Variants in CADPS observed in about 807,000 individuals in gnomAD.
The protein encoded by CADPS is calcium-dependent secretion activator 1.
A neutral mutation model predicts 167.3 loss-of-function variants in CADPS; 57 were observed. The ratio of observed to expected loss-of-function variants is 0.34; its 90% CI spans 0.28 to 0.42. CADPS has a LOEUF of 0.42. Ranked by LOEUF, CADPS falls within the 20% of genes least tolerant of loss-of-function variation. The pLI, the probability that CADPS is intolerant of heterozygous loss-of-function variation, is 1.00. For missense variants in CADPS, 1,414 were observed against 1,738.1 expected (o/e 0.81, Z 3.32); for synonymous variants, 676 against 635.3 (o/e 1.06, Z -0.96).
rs187362320 is a variant in CADPS at position 62,417,351 on chromosome 3, C to G, written c.3778-14166G>C. On this transcript the variant is annotated intron_variant, in intron 28 of 29. Coordinates refer to ENST00000383710, the MANE Select transcript of CADPS (RefSeq NM_003716.4). ...CCAGGGTGGAGTGCAGTGGTGCAAT[C>G]TCGGCTCACTGCAGCCTCTGCCTCC... Among the ~76,000 whole-genome samples, 11 of 120,722 alleles carry G rather than the reference C, an allele frequency of 9.1e-5. No homozygotes were observed. The East Asian group carries it at 2.5e-3, about 28-fold the overall frequency. 79.2% of individuals were successfully genotyped at this position (120,722 alleles called of 152,430 possible).
chr3:62,698,697 C>A (rs13078186), intron 3 of CADPS, among the ~76,000 whole-genome samples: 2 of 148,020 alleles, frequency 1.4e-5, no homozygotes, highest in African/African-American at 5.0e-5. Context: ...ACCTTCTTCT[C>A]CTTCTTCCTC....
At chr3:62,849,071 G>A (rs1302447532) in intron 1 of CADPS, among the ~76,000 whole-genome samples, 1 of 150,394 alleles carries the variant, frequency 6.6e-6, no homozygotes, top group Non-Finnish European at 1.5e-5. Context: ...TCATGATTTG[G>A]CTGTTTGTCT....
chr3:62,854,530 A>T (rs1183905423), intron 1 of CADPS, among the ~76,000 whole-genome samples: 2 of 152,244 alleles, frequency 1.3e-5, no homozygotes, highest in Non-Finnish European at 2.9e-5. Flanking sequence ...TCCATATTAC[A>T]ATGAGGAAAG....
intron 2 of CADPS, among the ~76,000 whole-genome samples, chr3:62,763,314 C>T (rs1006648723): frequency 1.3e-5 from 2 of 152,174 alleles, no homozygotes; most frequent in African/African-American, 4.8e-5. Context: ...TGCCCTGGGG[C>T]TGTCAAGGTC....
intron 1 of CADPS, among the ~76,000 whole-genome samples, chr3:62,775,848 T>C (rs540004039): frequency 6.6e-6 from 1 of 152,300 alleles, no homozygotes; most frequent in South Asian, 2.1e-4. Context: ...CAACATTTAA[T>C]AAAATTAACA....
rs1227663665 is a variant in CADPS, at chr3:62,491,464, T to C, written c.2901A>G (p.Gly967=). ...FLRTDYNLCN[G]KFHKHLQDLF... ...GGTCTTGCAGGTGTTTGTGAAATTT[T>C]CCATTGCACAAATTATCTAGAACAG... Residue 967 remains glycine (G), a synonymous_variant, in exon 21 of 30, where the codon GGA becomes GGG. Transcript: ENST00000383710. 4 of 1,613,966 alleles carry C rather than the reference T, an allele frequency of 2.5e-6. No individual in the cohort carries two copies. In the East Asian group the frequency reaches 8.9e-5, roughly 36 times the overall value.
At chr3:62,764,824 A>G (rs2086437022) in intron 2 of CADPS, among the ~76,000 whole-genome samples, 1 of 152,242 alleles carries the variant, frequency 6.6e-6, no homozygotes, top group Non-Finnish European at 1.5e-5. Flanking sequence ...AATAAAGGAA[A>G]CAAGGAAGGA....
intron 3 of CADPS, among the ~76,000 whole-genome samples, chr3:62,663,295 C>A (rs1204820950): frequency 1.3e-5 from 2 of 152,120 alleles, no homozygotes; most frequent in African/African-American, 4.8e-5. Context: ...ATGAGACCCA[C>A]TATATTCTAA....
intron 1 of CADPS, among the ~76,000 whole-genome samples, chr3:62,853,273 A>G (rs1469891085): frequency 6.6e-6 from 1 of 152,188 alleles, no homozygotes; most frequent in Non-Finnish European, 1.5e-5. Flanking sequence ...ATCATATTTA[A>G]TCACATTGTT....
Position 62,398,558 on chromosome 3 carries a change from T to G in CADPS, c.*848A>C, listed in dbSNP as rs1360576275. The G allele has an allele frequency of 6.6e-6, 1 of 152,654 alleles. No individual in the cohort carries two copies. The highest frequency in any genetic ancestry group is 1.5e-5 in the Non-Finnish European group (1 of 68,038). 9.5% of individuals were successfully genotyped at this position (152,654 alleles called of 1,614,324 possible). A position where few individuals can be genotyped will look rare whatever the true frequency, so the allele number is the denominator to read the frequency against. ...ACAGTGTGGAACAAAATAATTTAAA[T>G]TATGGTTACAATCTACTGAAGGAAA... On this transcript the variant is annotated 3_prime_UTR_variant, in exon 30 of 30. Coordinates refer to ENST00000383710, the MANE Select transcript of CADPS (RefSeq NM_003716.4).
At chr3:62,828,330 C>T (rs185667547) in intron 1 of CADPS, among the ~76,000 whole-genome samples, 2 of 152,248 alleles carry the variant, frequency 1.3e-5, no homozygotes, top group East Asian at 3.9e-4. Context: ...TGTGCAGTAG[C>T]CTAACCAGGG....
At chr3:62,618,631 T>C (rs1207710878) in intron 6 of CADPS, among the ~76,000 whole-genome samples, 1 of 152,216 alleles carries the variant, frequency 6.6e-6, no homozygotes, top group African/African-American at 2.4e-5. Flanking sequence ...CCATGTTCCA[T>C]GCTTTCCTTC....
rs78218447 is a variant in CADPS at position 62,631,181 on chromosome 3, G to C, written c.1325+14541C>G. The stretch of plus-strand genomic sequence containing the variant: ...TTTCTATATGTAATACTTTTTCCTA[G>C]AGCCTGGAAAAATTTAGGTGGTAGG... On this transcript the variant is annotated intron_variant, in intron 6 of 29. Coordinates refer to ENST00000383710, the MANE Select transcript of CADPS (RefSeq NM_003716.4). Among the ~76,000 whole-genome samples the C allele has an allele frequency of 3.4e-3, 518 of 151,740 alleles. 5 individuals are homozygous for C. Among genetic ancestry groups the C allele is most frequent in the African/African-American group, 0.011 (467 of 41,370 alleles).
chr3:62,787,453 AAATC>A (rs538701919), intron 1 of CADPS, among the ~76,000 whole-genome samples: 33 of 152,356 alleles, frequency 2.2e-4, no homozygotes, highest in Middle Eastern at 3.4e-3. Context: ...AAACATAAAT[AAATC>A]AATGTATTTA....
At position 62,580,585 on chromosome 3, in the gene CADPS, TA is replaced by T. The variant is rs149549303; in HGVS notation, c.1577+4599del. On this transcript the variant is annotated intron_variant, in intron 8 of 29. Transcript: ENST00000383710. ...ATGTACCATAAAACTTAAAGTATAA[TA>T]AAAAAAAATAAAAAAAAAAAGAAAG... 6.3e-3 allele frequency among the ~76,000 whole-genome samples: 792 copies of T among 125,036 alleles called. 8 individuals carry two copies. The highest frequency in any genetic ancestry group is 0.02 in the African/African-American group (691 of 35,108). 82.0% of individuals were successfully genotyped at this position (125,036 alleles called of 152,430 possible). A position where few individuals can be genotyped will look rare whatever the true frequency, so the allele number is the denominator to read the frequency against.
chr3:62,811,835 A>G (rs2094408359), intron 1 of CADPS, among the ~76,000 whole-genome samples: 1 of 152,196 alleles, frequency 6.6e-6, no homozygotes, highest in African/African-American at 2.4e-5. Context: ...TATAAACTTA[A>G]AACAACAAAA....
At chr3:62,807,147 A>G (rs2094141771) in intron 1 of CADPS, among the ~76,000 whole-genome samples, 1 of 152,230 alleles carries the variant, frequency 6.6e-6, no homozygotes, top group Admixed American at 6.5e-5. Flanking sequence ...ACAAATGTCT[A>G]AATGTCTTGA....
At chr3:62,641,380 C>T (rs1156561650) in intron 6 of CADPS, among the ~76,000 whole-genome samples, 2 of 152,182 alleles carry the variant, frequency 1.3e-5, no homozygotes, top group African/African-American at 4.8e-5. Flanking sequence ...TCACTCAATG[C>T]CATTTTCTGG....
At chr3:62,648,963 C>T (rs1477434644) in intron 5 of CADPS, among the ~76,000 whole-genome samples, 1 of 152,136 alleles carries the variant, frequency 6.6e-6, no homozygotes, top group South Asian at 2.1e-4. Context: ...ACTGCCTCTT[C>T]CAACTGCACA....
Sources: gnomAD v4.1 joint callset for allele counts (sites outside exome capture counted in the v4.1 genomes callset) on GRCh38, gnomAD v4.1.1 for gene constraint, MANE v1.5 for transcripts, NCBI Gene and HGNC (gene_info 2026-07-23, HGNC 2026-07-21) for gene names.